TMEM131L: variants seen among roughly 807,000 people sequenced by gnomAD.
TMEM131L encodes transmembrane 131 like, also known as transmembrane protein 131-like.
A neutral mutation model predicts 192.2 loss-of-function variants in TMEM131L; 54 were observed. The ratio of observed to expected loss-of-function variants is 0.28; its 90% confidence interval spans 0.23 to 0.35. The LOEUF (loss-of-function observed/expected upper bound fraction) is 0.35. Ranked by LOEUF, TMEM131L falls within the 10% of genes least tolerant of loss-of-function variation. TMEM131L has a pLI of 1.00. For missense variants in TMEM131L, 1,888 were observed against 1,972.9 expected, an observed-to-expected ratio of 0.96 and a Z score of 0.82; for synonymous variants, 701 against 704.9, an observed-to-expected ratio of 0.99 and a Z score of 0.09.
intron 3 of TMEM131L, among the ~76,000 whole-genome samples, chr4:153,535,630 A>C (rs1736258487): frequency 1.3e-5 from 2 of 152,154 alleles, no homozygotes; most frequent in African/African-American, 4.8e-5. Flanking sequence ...ATGCTGTTTG[A>C]ATCAAAAAAA....
chr4:153,623,495 A>G (rs1323408793), intron 29 of TMEM131L, among the ~76,000 whole-genome samples: 1 of 152,138 alleles, frequency 6.6e-6, no homozygotes, highest in East Asian at 1.9e-4. Context: ...CCCATGAAAC[A>G]ATAACTCTGC....
chr4:153,530,818 C>A (rs72729666), intron 3 of TMEM131L, among the ~76,000 whole-genome samples: 1 of 152,186 alleles, frequency 6.6e-6, no homozygotes, highest in Non-Finnish European at 1.5e-5. Flanking sequence ...TCCTGAGGCC[C>A]CCCCACTTTC....
At chr4:153,593,136 C>G (rs1030091183) in intron 18 of TMEM131L, among the ~76,000 whole-genome samples, 13 of 152,314 alleles carry the variant, frequency 8.5e-5, no homozygotes, top group African/African-American at 3.1e-4. Flanking sequence ...TCTTGTCTAG[C>G]ATTAAACAGG....
At chr4:153,506,197 A>G (rs184450621) in intron 3 of TMEM131L, among the ~76,000 whole-genome samples, 6 of 152,338 alleles carry the variant, frequency 3.9e-5, no homozygotes, top group African/African-American at 1.4e-4. Flanking sequence ...AGTAACCCAG[A>G]ATTATAAACT....
intron 26 of TMEM131L, among the ~76,000 whole-genome samples, chr4:153,617,637 C>T (rs745759331): frequency 1.3e-4 from 20 of 152,166 alleles, no homozygotes; most frequent in Non-Finnish European, 2.2e-4. Flanking sequence ...AAAAGAAGTT[C>T]TGGAAATGTA....
At chr4:153,585,079 C>A in intron 12 of TMEM131L, 148 bp downstream of exon 12, 1 of 653,494 alleles carries the variant, frequency 1.5e-6, no homozygotes, top group Non-Finnish European at 2.7e-6. Flanking sequence ...TGCTAACAGG[C>A]AGTGAAAGGG....
At chr4:153,496,917 G>C (rs1158774265) in intron 3 of TMEM131L, among the ~76,000 whole-genome samples, 1 of 151,868 alleles carries the variant, frequency 6.6e-6, no homozygotes, top group Non-Finnish European at 1.5e-5. Flanking sequence ...CTGGAGTACA[G>C]TGGCACGATC....
intron 14 of TMEM131L, among the ~76,000 whole-genome samples, chr4:153,587,111 TAAA>T (rs1730752729): frequency 6.6e-6 from 1 of 152,190 alleles, no homozygotes; most frequent in South Asian, 2.1e-4. Context: ...ATAGGAATTC[TAAA>T]ATTAAACAAT....
chr4:153,496,844 A>G (rs930648173), intron 3 of TMEM131L, among the ~76,000 whole-genome samples: 2 of 147,864 alleles, frequency 1.4e-5, no homozygotes, highest in Non-Finnish European at 3.0e-5. Flanking sequence ...GAGCCACTGT[A>G]CTTGGCCTAT....
At chr4:153,625,972 G>A (rs780600509) in intron 29 of TMEM131L, among the ~76,000 whole-genome samples, 175 bp from the exon 30 acceptor site, 40 of 152,168 alleles carry the variant, frequency 2.6e-4, no homozygotes, top group Non-Finnish European at 3.8e-4. Flanking sequence ...GTTCATAATT[G>A]TAGTATAATT....
intron 3 of TMEM131L, among the ~76,000 whole-genome samples, chr4:153,549,277 T>C (rs1737427780): frequency 6.6e-6 from 1 of 152,228 alleles, no homozygotes; most frequent in Non-Finnish European, 1.5e-5. Context: ...AAAAAGATTC[T>C]ATTTTGGAAA....
intron 3 of TMEM131L, among the ~76,000 whole-genome samples, chr4:153,543,270 A>G (rs2150350661): frequency 6.6e-6 from 1 of 152,302 alleles, no homozygotes; most frequent in African/African-American, 2.4e-5. Flanking sequence ...ACTGGTAAGA[A>G]TGGCAGTTCC....
chr4:153,583,503 C>T, intron 10 of TMEM131L, 61 bp from the exon 11 acceptor site: 1 of 1,156,872 alleles, frequency 8.6e-7, no homozygotes, highest in East Asian at 2.3e-5. Context: ...ACGGTTCATT[C>T]AAACTGGATA....
At chr4:153,535,973 G>A (rs1186893281) in intron 3 of TMEM131L, among the ~76,000 whole-genome samples, 1 of 152,134 alleles carries the variant, frequency 6.6e-6, no homozygotes, top group Non-Finnish European at 1.5e-5. Context: ...TTATTGGAGC[G>A]CTCTGCTTCT....
At chr4:153,551,645 C>T (rs1179110912) in intron 4 of TMEM131L, among the ~76,000 whole-genome samples, 10 of 151,936 alleles carry the variant, frequency 6.6e-5, no homozygotes, top group Admixed American at 5.9e-4. Context: ...CATGAGCCAC[C>T]GCACCCAGCC....
At chr4:153,495,979 G>C (rs920486867) in intron 3 of TMEM131L, among the ~76,000 whole-genome samples, 1 of 152,132 alleles carries the variant, frequency 6.6e-6, no homozygotes, top group African/African-American at 2.4e-5. Context: ...AGCTTAAAGG[G>C]GCGGATGTCA....
At chr4:153,630,627 C>G (rs1047129341) in intron 31 of TMEM131L, among the ~76,000 whole-genome samples, 1 of 152,212 alleles carries the variant, frequency 6.6e-6, no homozygotes, top group African/African-American at 2.4e-5. Context: ...GTCACTTCAG[C>G]TAGTATCAGC....
intron 4 of TMEM131L, among the ~76,000 whole-genome samples, chr4:153,554,754 A>T (rs955262302): frequency 1.3e-5 from 2 of 152,206 alleles, no homozygotes; most frequent in African/African-American, 4.8e-5. Flanking sequence ...CTTTAGTGAA[A>T]TTTTTGCTGG....
chr4:153,600,677 C>A (rs1177376581), intron 21 of TMEM131L, among the ~76,000 whole-genome samples: 1 of 152,176 alleles, frequency 6.6e-6, no homozygotes, highest in East Asian at 1.9e-4. Context: ...ACACAGAAAG[C>A]ATTTTAGTGT....
Sources: gnomAD v4.1 joint callset for allele counts (sites outside exome capture counted in the v4.1 genomes callset) on GRCh38, gnomAD v4.1.1 for gene constraint, MANE v1.5 for transcripts, NCBI Gene and HGNC (gene_info 2026-07-23, HGNC 2026-07-21) for gene names.